Variants in C5 observed in about 807,000 individuals in gnomAD.
C5 encodes the protein complement C5, also known as C3 and PZP-like alpha-2-macroglobulin domain-containing protein 4.
C5 carries 140 observed loss-of-function variants against 218.8 expected under a neutral mutation model. The observed-to-expected ratio is 0.64, with a 90% CI of 0.56 to 0.74. C5 has a LOEUF of 0.74. Among genes scored for constraint, C5 ranks in the 30% least tolerant of loss-of-function variants. The pLI is 0.00. For missense variants in C5, 1,700 were observed against 1,969.6 expected, an observed-to-expected ratio of 0.86 and a Z score of 2.59; for synonymous variants, 614 against 682.3, an observed-to-expected ratio of 0.90 and a Z score of 1.56.
chr9:120,957,436 C>T, intron 38 of C5, 68 bp from the exon 39 acceptor site: 3 of 1,209,112 alleles, frequency 2.5e-6, no homozygotes, highest in Non-Finnish European at 3.7e-6. Flanking sequence ...CCAGTAGAAG[C>T]CAGAATTTGT....
rs775195324 is a variant in C5, at chr9:120,963,790, T to C, written c.4221-52A>G. ...ATAATAAATAAGTGAATAAGAGTCT[T>C]TAAGAAAGGACACTCTTCCTTAGTA... is the stretch of plus-strand genomic sequence containing the variant. On this transcript the variant is annotated intron_variant, in intron 33 of 40. Coordinates refer to ENST00000223642, the MANE Select transcript of C5 (RefSeq NM_001735.3). 4 of 1,365,898 alleles carry C rather than the reference T, an allele frequency of 2.9e-6. No homozygotes were observed. The South Asian group carries it at 4.8e-5, about 16-fold the overall frequency. 84.6% of individuals were successfully genotyped at this position (1,365,898 alleles called of 1,614,324 possible). A position where few individuals can be genotyped will look rare whatever the true frequency, so the allele number is the denominator to read the frequency against.
chr9:121,015,640 G>T (rs550245067), intron 15 of C5, among the ~76,000 whole-genome samples: 2 of 152,240 alleles, frequency 1.3e-5, no homozygotes, highest in South Asian at 4.1e-4. Flanking sequence ...GAATACCACA[G>T]TATCAAGTAT....
chr9:121,038,418 C>T (rs1279517406), intron 3 of C5, among the ~76,000 whole-genome samples: 1 of 152,076 alleles, frequency 6.6e-6, no homozygotes, highest in African/African-American at 2.4e-5. Flanking sequence ...TTATGAAAAC[C>T]CACAAGGCTC....
chr9:121,060,451 A>G, the C5 span, among the ~76,000 whole-genome samples: 1 of 152,174 alleles, frequency 6.6e-6, no homozygotes, highest in Non-Finnish European at 1.5e-5. Context: ...TGAAAATCAC[A>G]TAAACATTTA....
At chr9:120,960,555 T>C (rs1246784692) in intron 37 of C5, among the ~76,000 whole-genome samples, 1 of 152,212 alleles carries the variant, frequency 6.6e-6, no homozygotes, top group Non-Finnish European at 1.5e-5. Context: ...CTTGAGCATG[T>C]CACAAGCTTG....
chr9:121,070,580 C>T, the C5 span, among the ~76,000 whole-genome samples: 2 of 151,296 alleles, frequency 1.3e-5, no homozygotes, highest in Non-Finnish European at 2.9e-5. Flanking sequence ...CACAGCAACA[C>T]GGATGGAAAT....
At chr9:121,048,529 A>G (rs2047647240) in intron 1 of C5, among the ~76,000 whole-genome samples, 1 of 152,236 alleles carries the variant, frequency 6.6e-6, no homozygotes, top group African/African-American at 2.4e-5. Context: ...ATCCTGGTCC[A>G]TGGAAACATT....
chr9:120,958,276 G>T (rs919842447), intron 38 of C5, among the ~76,000 whole-genome samples: 1 of 152,186 alleles, frequency 6.6e-6, no homozygotes, highest in Non-Finnish European at 1.5e-5. Context: ...CTTACTATGT[G>T]GGCCTGGGTA....
rs2046818551 is a variant in C5, at chr9:120,960,430, C to CA, written c.4589-94dup. On this transcript the variant is annotated intron_variant, in intron 37 of 40. Coordinates refer to ENST00000223642, the MANE Select transcript of C5 (RefSeq NM_001735.3). ...ACACGGTTTCTCATGAGCCCAGAGA[C>CA]AACCCAATATAACCTTACAAATGTC... is the stretch of plus-strand genomic sequence containing the variant. 9.8e-6 allele frequency: 8 copies of CA among 817,206 alleles called. No individual in the cohort carries two copies. The South Asian group carries it at 1.1e-4, about 11-fold the overall frequency. The allele number at this position is 817,206 out of a possible 1,614,324, so 50.6% of individuals were successfully genotyped here. A position where few individuals can be genotyped will look rare whatever the true frequency, so the allele number is the denominator to read the frequency against.
In C5 at chr9:121,021,668, C is replaced by G. The variant is rs755287533; in HGVS notation, c.1143G>C (p.Gln381His). Residue 381 changes from glutamine to histidine, a missense_variant, in exon 11 of 41, where the codon CAG (glutamine) becomes CAC (histidine). Coordinates refer to ENST00000223642, the MANE Select transcript of C5 (RefSeq NM_001735.3). ...IKVQVKDSLDQLVGGVPVTLN... is the reference protein window; with the variant it reads ...IKVQVKDSLDHLVGGVPVTLN... ...GTGTTACTGGGACTCCTCCTACCAA[C>G]TGGTCAAGCGAATCTTTAACCTGCA... 8 of 1,613,982 alleles carry G rather than the reference C, an allele frequency of 5.0e-6. No individual in the cohort carries two copies. Among genetic ancestry groups the G allele is most frequent in the Middle Eastern group, 1.6e-4 (1 of 6,062 alleles).
chr9:121,034,772 T>C (rs1293952101), intron 5 of C5, 31 bp downstream of exon 5: 4 of 1,238,118 alleles, frequency 3.2e-6, no homozygotes, highest in African/African-American at 3.0e-5. Flanking sequence ...AAGTTCCGTA[T>C]GTGGTTTTAT....
chr9:120,976,438 G>A (rs1380168256), intron 29 of C5, among the ~76,000 whole-genome samples: 2 of 152,216 alleles, frequency 1.3e-5, no homozygotes, highest in African/African-American at 2.4e-5. Context: ...CATGAAGGAA[G>A]TACTGGGCTT....
At chr9:121,018,475 G>A (rs576994611) in intron 12 of C5, among the ~76,000 whole-genome samples, 1 of 151,356 alleles carries the variant, frequency 6.6e-6, no homozygotes, top group Admixed American at 6.6e-5. Context: ...TCGGAAGGCT[G>A]AGGCAGGAGA....
intron 8 of C5, among the ~76,000 whole-genome samples, chr9:121,026,278 T>C (rs1307643949): frequency 2.0e-5 from 3 of 152,156 alleles, no homozygotes; most frequent in Non-Finnish European, 4.4e-5. Context: ...TGGTATAATG[T>C]AAAGAATGCT....
chr9:121,046,978 C>T (rs993384293), intron 1 of C5, among the ~76,000 whole-genome samples: 9 of 151,954 alleles, frequency 5.9e-5, no homozygotes, highest in East Asian at 1.9e-4. Flanking sequence ...TACTAGTAAA[C>T]GGATAACGGA....
At chr9:121,010,995 G>T (rs969050650) in intron 17 of C5, among the ~76,000 whole-genome samples, 6 of 152,156 alleles carry the variant, frequency 3.9e-5, no homozygotes, top group African/African-American at 1.4e-4. Context: ...ATTGATTAAA[G>T]ATTTAACTCT....
At chr9:121,014,888 T>C (rs1298162411) in intron 16 of C5, among the ~76,000 whole-genome samples, 1 of 152,112 alleles carries the variant, frequency 6.6e-6, no homozygotes, top group Non-Finnish European at 1.5e-5. Context: ...CAGAATAAAA[T>C]GGAAGGATAT....
At chr9:120,963,564 T>C in intron 34 of C5, 72 bp downstream of exon 34, 3 of 1,139,654 alleles carry the variant, frequency 2.6e-6, no homozygotes, top group Non-Finnish European at 3.9e-6. Context: ...TGAAAGAAAG[T>C]AAAATTGTCT....
rs1564149262 is a variant in C5 at position 121,008,478 on chromosome 9, C to T, written c.2278G>A (p.Val760Ile). 1 of 1,613,508 alleles carries T rather than the reference C, an allele frequency of 6.2e-7. No individual in the cohort carries two copies. The highest frequency in any genetic ancestry group is 1.7e-5 in the Admixed American group (1 of 60,022). Residue 760 changes from valine to isoleucine, a missense_variant, in exon 18 of 41, where the codon GTA becomes ATA. Physicochemically the swap from Val to Ile is conservative, Grantham distance 29 (BLOSUM62 3). Coordinates refer to ENST00000223642, the MANE Select transcript of C5 (RefSeq NM_001735.3). ...GRLHMKTLLP[V>I]SKPEIRSYFP... ...TAACTCCGAATTTCTGGCTTGCTTA[C>T]TGGTAACAGGGTCTTCATGTCTGGA... is the stretch of plus-strand genomic sequence containing the variant.
Sources: gnomAD v4.1 joint callset for allele counts (sites outside exome capture counted in the v4.1 genomes callset) on GRCh38, gnomAD v4.1.1 for gene constraint, MANE v1.5 for transcripts, NCBI Gene and HGNC (gene_info 2026-07-23, HGNC 2026-07-21) for gene names.